Variants in BNIPL observed in about 807,000 individuals in gnomAD.
The protein encoded by BNIPL is bcl-2/adenovirus E1B 19 kDa-interacting protein 2-like protein.
BNIPL carries 33 observed loss-of-function variants against 47.0 expected under a neutral mutation model. That is an observed-to-expected ratio of 0.70 (90% CI 0.53 to 0.94). BNIPL has a LOEUF of 0.94. Ranked by LOEUF, BNIPL falls within the 40% of genes least tolerant of loss-of-function variation. The pLI is 0.00. For missense variants in BNIPL, 404 were observed against 445.2 expected (o/e 0.91, Z 0.83); for synonymous variants, 145 against 162.7 (o/e 0.89, Z 0.83).
At chr1:151,040,212 G>A (rs1675768135) in intron 4 of BNIPL, among the ~76,000 whole-genome samples, 2 of 152,306 alleles carry the variant, frequency 1.3e-5, no homozygotes, top group South Asian at 4.1e-4. Context: ...AGACAGTCTT[G>A]CTCTGTTGCC....
intron 1 of BNIPL, chr1:151,037,280 T>G (rs1340223380): frequency 6.6e-6 from 7 of 1,066,462 alleles, no homozygotes; most frequent in African/African-American, 1.7e-5. Context: ...TCCAGCCACT[T>G]GTAATGTGGG....
At chr1:151,037,782 C>T in intron 2 of BNIPL, 120 bp downstream of exon 2, 1 of 756,286 alleles carries the variant, frequency 1.3e-6, no homozygotes, top group Non-Finnish European at 2.2e-6. Context: ...GGGTGGATCA[C>T]CTGAGGTCAG....
In BNIPL at chr1:151,046,787, CTCAGT is replaced by C; in HGVS notation, c.*101_*105del. The C allele has an allele frequency of 1.0e-6, 1 of 956,784 alleles. No individual in the cohort carries two copies. Among genetic ancestry groups the C allele is most frequent in the Non-Finnish European group, 1.6e-6 (1 of 632,490 alleles). 59.3% of individuals were successfully genotyped at this position (956,784 alleles called of 1,614,324 possible). On this transcript the variant is annotated 3_prime_UTR_variant, in exon 10 of 10. Transcript: ENST00000368931. ...TTTTGTAAATCATCTTATCCCCAAC[CTCAGT>C]ACCACCGGATCTTCACTTCTCAGTG...
chr1:151,046,234 C>G, intron 9 of BNIPL, 69 bp downstream of exon 9: 3 of 1,571,764 alleles, frequency 1.9e-6, no homozygotes, highest in Non-Finnish European at 2.6e-6. Flanking sequence ...TTTTTTAATG[C>G]CTTGGGGGAC....
At chr1:151,038,690 C>T in intron 3 of BNIPL, 106 bp from the exon 4 acceptor site, 2 of 1,564,728 alleles carry the variant, frequency 1.3e-6, no homozygotes, top group South Asian at 1.2e-5. Context: ...GTGAGTCCTT[C>T]TTCAGCATTC....
chr1:151,040,250 G>A (rs996692056), intron 4 of BNIPL, among the ~76,000 whole-genome samples: 1 of 152,148 alleles, frequency 6.6e-6, no homozygotes, highest in Non-Finnish European at 1.5e-5. Flanking sequence ...GCACAATCTT[G>A]CTCACTGCAG....
Position 151,043,006 on chromosome 1 carries a change from CT to C in BNIPL, c.485del (p.Leu162ArgfsTer9), listed in dbSNP as rs758904396. On this transcript the variant is annotated frameshift_variant, in exon 5 of 10. Transcript: ENST00000368931. LOFTEE classifies it high-confidence loss of function. ...GGGCACCAGTGAGACAGCTGAAAGG[CT>C]GGGCCGAGGTTGTATGTGGGATGTG... The part of the protein sequence containing the change: ...GLGTSETAER[L>X]GRGCMWDVTG... 9.4e-5 allele frequency: 151 copies of C among 1,609,028 alleles called. No individual in the cohort carries two copies. Among genetic ancestry groups the C allele is most frequent in the Non-Finnish European group, 1.2e-4 (147 of 1,178,808 alleles).
chr1:151,040,477 G>A (rs1466989452), intron 4 of BNIPL, among the ~76,000 whole-genome samples: 2 of 151,808 alleles, frequency 1.3e-5, no homozygotes, highest in South Asian at 2.1e-4. Flanking sequence ...CACTGTACTC[G>A]GCTATGCAAC....
intron 7 of BNIPL, chr1:151,044,806 C>T (rs1675948653): frequency 2.3e-6 from 3 of 1,281,850 alleles, no homozygotes; most frequent in East Asian, 1.1e-4. Flanking sequence ...TTTGGTTCCC[C>T]CATCTCCATT....
Position 151,038,951 on chromosome 1 carries a change from G to A in BNIPL, c.358G>A (p.Asp120Asn). The stretch of plus-strand genomic sequence containing the variant: ...ACCTTCCTCTCCTGATGGCAGTTCT[G>A]ACCTGGAGATAGACGAATTGGAGAC... Reference protein sequence around the residue: ...SAPSSPDGSSDLEIDELETPS... With the variant: ...SAPSSPDGSSNLEIDELETPS... The change falls in exon 4 of 10, where the codon GAC (aspartate) becomes AAC (asparagine). Residue 120 changes from aspartate to asparagine, a missense_variant. Asp to Asn is a conservative substitution (Grantham distance 23). Transcript: ENST00000368931. 1 of 1,613,454 alleles carries A rather than the reference G, an allele frequency of 6.2e-7. No individual in the cohort carries two copies. The highest frequency in any genetic ancestry group is 8.5e-7 in the Non-Finnish European group (1 of 1,179,784).
chr1:151,042,977 G>A lies in BNIPL; in HGVS notation c.455G>A (p.Gly152Asp). 1.3e-6 allele frequency: 2 copies of A among 1,597,016 alleles called. No homozygotes were observed. Among genetic ancestry groups the A allele is most frequent in the Non-Finnish European group, 8.5e-7 (1 of 1,175,416 alleles). Residue 152 changes from glycine (G) to aspartate (D), a missense_variant, in exon 5 of 10, where the codon GGT becomes GAT. Coordinates refer to ENST00000368931, the MANE Select transcript of BNIPL (RefSeq NM_138278.4). ...TTAGATGAACTACCCCGGGCAGAGG[G>A]TCTGGGCACCAGTGAGACAGCTGAA... ...EWEDELPRAE[G>D]LGTSETAERL... is the part of the protein sequence containing the mutation.
chr1:151,045,542 G>C, intron 7 of BNIPL: 1 of 465,714 alleles, frequency 2.1e-6, no homozygotes, highest in East Asian at 5.8e-5. Context: ...CCAGGCGACA[G>C]AGTGAGACTC....
chr1:151,038,276 A>T (rs1675697673), intron 2 of BNIPL: 3 of 563,342 alleles, frequency 5.3e-6, no homozygotes, highest in Middle Eastern at 9.4e-4. Flanking sequence ...CGGGAGGCTG[A>T]GGTGGGAGGA....
intron 4 of BNIPL, among the ~76,000 whole-genome samples, chr1:151,042,729 G>A (rs760704408): frequency 1.3e-5 from 2 of 151,772 alleles, no homozygotes; most frequent in East Asian, 3.9e-4. Flanking sequence ...CTAGAGAATC[G>A]CTTGAGCCCA....
Position 151,038,865 on chromosome 1 carries a change from A to G in BNIPL, c.272A>G (p.Glu91Gly). Reference sequence around the variant, plus strand: ...ATGCGCAAGCGTCTTTCTGCCCCAGAGTTGCGGCTGAGTCTGACTAAGGGG... The same window carrying G: ...ATGCGCAAGCGTCTTTCTGCCCCAGGGTTGCGGCTGAGTCTGACTAAGGGG... The part of the protein sequence containing the change: ...RPMRKRLSAP[E>G]LRLSLTKGPG... Residue 91 changes from glutamate (E) to glycine (G), a missense_variant, in exon 4 of 10, where the codon GAG becomes GGG. Physicochemically the swap from Glu to Gly is moderately conservative, Grantham distance 98 (BLOSUM62 -2). Coordinates refer to ENST00000368931, the MANE Select transcript of BNIPL (RefSeq NM_138278.4). 6.2e-7 allele frequency: 1 copy of G among 1,613,914 alleles called. No homozygotes were observed. Among genetic ancestry groups the G allele is most frequent in the African/African-American group, 1.3e-5 (1 of 75,004 alleles).
chr1:151,043,291 A>C (rs114632678), intron 5 of BNIPL, 41 bp from the exon 6 acceptor site: 7 of 1,529,354 alleles, frequency 4.6e-6, no homozygotes, highest in Non-Finnish European at 6.3e-6. Flanking sequence ...CTGTCAATAC[A>C]TATTTGTTGA....
rs746517864 is a variant in BNIPL, at chr1:151,038,974, G to A, written c.381G>A (p.Glu127=). The change falls in exon 4 of 10, where the codon GAG becomes GAA. Residue 127 remains glutamate (E), a synonymous_variant. Transcript: ENST00000368931. ...CTGACCTGGAGATAGACGAATTGGAGACACCTTCAGACTCGGAGCAGCTGG... is the reference window on the plus strand; with the variant it reads ...CTGACCTGGAGATAGACGAATTGGAAACACCTTCAGACTCGGAGCAGCTGG... ...GSSDLEIDEL[E]TPSDSEQLDS... is the part of the protein sequence containing the mutation. The A allele has an allele frequency of 2.7e-5, 43 of 1,610,562 alleles. No homozygotes were observed. Among genetic ancestry groups the A allele is most frequent in the Non-Finnish European group, 3.6e-5 (42 of 1,178,550 alleles).
chr1:151,038,039 C>G (rs1264484857), intron 2 of BNIPL, among the ~76,000 whole-genome samples: 1 of 118,014 alleles, frequency 8.5e-6, no homozygotes, highest in Non-Finnish European at 1.6e-5. Flanking sequence ...AGCAAATGGA[C>G]ACAGGGATGG....
intron 2 of BNIPL, 86 bp from the exon 3 acceptor site, chr1:151,038,418 G>C (rs1213867389): frequency 1.0e-6 from 1 of 972,588 alleles, no homozygotes; most frequent in African/African-American, 1.6e-5. Context: ...ATAAAATCAT[G>C]GTGGGGAGAG....
Sources: allele counts gnomAD v4.1 joint callset (sites outside exome capture counted in the v4.1 genomes callset), GRCh38; gene constraint gnomAD v4.1.1; transcripts MANE v1.5; gene names NCBI Gene and HGNC (gene_info 2026-07-23, HGNC 2026-07-21).